The following LPCAT1 variants were observed in gnomAD, a reference collection of about 807,000 sequenced individuals.
LPCAT1 encodes the protein 1-acylglycerol-3-phosphate O-acyltransferase.
Under a neutral mutation model 60.9 loss-of-function variants are expected in LPCAT1, and 23 were observed. The ratio of observed to expected loss-of-function variants is 0.38; its 90% CI spans 0.27 to 0.53. The LOEUF (loss-of-function observed/expected upper bound fraction) is 0.53. LPCAT1 is among the 20% of genes least tolerant of loss of function. The pLI, the probability that LPCAT1 is intolerant of heterozygous loss-of-function variation, is 0.82. For missense variants in LPCAT1, 622 were observed against 723.6 expected (o/e 0.86, Z 1.61); for synonymous variants, 340 against 301.1 (o/e 1.13, Z -1.34).
chr5:1,492,105 GTCTCTGAGCTGGGACCAGGGGAGATTA>G (rs1456233468), intron 3 of LPCAT1, among the ~76,000 whole-genome samples: 15 of 151,060 alleles, frequency 9.9e-5, no homozygotes, highest in South Asian at 2.1e-4. Context: ...CCAGGGAGAT[GTCTCTGAGCTGGGACCAGGGGAGATTA>G]TCTCTGAGCT....
intron 13 of LPCAT1, among the ~76,000 whole-genome samples, chr5:1,464,705 CAA>C (rs1553991811): frequency 8.7e-5 from 12 of 137,228 alleles, no homozygotes; most frequent in African/African-American, 1.4e-4. Flanking sequence ...TGCACACACA[CAA>C]AGAGCACACA....
chr5:1,473,512 T>C (rs1197051057), intron 11 of LPCAT1, among the ~76,000 whole-genome samples: 3 of 151,814 alleles, frequency 2.0e-5, no homozygotes, highest in African/African-American at 7.3e-5. Context: ...CAGAGGGGAG[T>C]GGGCGGCTGC....
intron 13 of LPCAT1, among the ~76,000 whole-genome samples, chr5:1,465,067 A>G (rs964597088): frequency 2.6e-4 from 21 of 80,094 alleles, no homozygotes. Flanking sequence ...AAGTGCACGC[A>G]CACACACGGT....
Position 1,476,421 on chromosome 5 carries a change from G to C in LPCAT1, c.899+983C>G, listed in dbSNP as rs964494541. On this transcript the variant is annotated intron_variant, in intron 9 of 13. Coordinates refer to ENST00000283415, the MANE Select transcript of LPCAT1 (RefSeq NM_024830.5). This position sits in a 1 kb window ranked among gnomAD's most constrained non-coding sequence, Gnocchi z 8.6. ...ACGTGAGGGAACGGGCCGCCCAGCTGAATCTTCAGGGTGTCAGCGGAGTGT... is the reference window on the plus strand; with the variant it reads ...ACGTGAGGGAACGGGCCGCCCAGCTCAATCTTCAGGGTGTCAGCGGAGTGT... Among the ~76,000 whole-genome samples, 6 of 152,160 alleles carry C rather than the reference G, an allele frequency of 3.9e-5. No individual in the cohort carries two copies. Among genetic ancestry groups the C allele is most frequent in the African/African-American group, 1.4e-4 (6 of 41,448 alleles).
At chr5:1,468,346 C>G (rs529790776) in intron 12 of LPCAT1, among the ~76,000 whole-genome samples, 64 of 152,352 alleles carry the variant, frequency 4.2e-4, no homozygotes, top group African/African-American at 1.5e-3. Context: ...GTTGGTGCTG[C>G]TGGAGCCTCA....
intron 13 of LPCAT1, 54 bp downstream of exon 13, chr5:1,466,695 C>G: frequency 6.5e-7 from 1 of 1,544,478 alleles, no homozygotes; most frequent in Non-Finnish European, 8.8e-7. Flanking sequence ...GCCCCACACT[C>G]TGTCCAGCCC....
intron 1 of LPCAT1, among the ~76,000 whole-genome samples, chr5:1,520,967 T>C (rs937403428): frequency 8.6e-5 from 13 of 150,930 alleles, no homozygotes; most frequent in African/African-American, 1.2e-4. Flanking sequence ...CCAAGGAAAG[T>C]ACCGAGAAAA....
chr5:1,492,703 G>C (rs1735636207), intron 3 of LPCAT1, among the ~76,000 whole-genome samples: 1 of 152,210 alleles, frequency 6.6e-6, no homozygotes, highest in African/African-American at 2.4e-5. Flanking sequence ...GGTTGATCTG[G>C]AAGAGGTGGA....
At chr5:1,519,984 C>G (rs1736621964) in intron 1 of LPCAT1, among the ~76,000 whole-genome samples, 1 of 152,258 alleles carries the variant, frequency 6.6e-6, no homozygotes, top group African/African-American at 2.4e-5. Context: ...TCCACATCCA[C>G]TGCCCGGCAA....
chr5:1,470,226 T>C lies in LPCAT1; in HGVS notation c.1278+600A>G, dbSNP rs975748329. Among the ~76,000 whole-genome samples the C allele has an allele frequency of 2.6e-5, 4 of 152,368 alleles. No individual in the cohort carries two copies. The East Asian group carries it at 7.7e-4, about 29-fold the overall frequency. On this transcript the variant is annotated intron_variant, in intron 12 of 13. Transcript: ENST00000283415. ...CAGATGAAATCCACATTGGTGCTGC[T>C]GGAGCCTCAGAATAGGCCAGGCCAA... is the stretch of plus-strand genomic sequence containing the variant.
intron 7 of LPCAT1, 89 bp from the exon 8 acceptor site, chr5:1,479,764 G>T: frequency 1.9e-6 from 2 of 1,027,182 alleles, no homozygotes; most frequent in Non-Finnish European, 1.5e-6. Flanking sequence ...ACCTCCAGAC[G>T]CGCCCTCCAG....
At chr5:1,508,570 C>T (rs771992456) in intron 1 of LPCAT1, among the ~76,000 whole-genome samples, 13 of 152,070 alleles carry the variant, frequency 8.5e-5, no homozygotes, top group African/African-American at 2.4e-4. Flanking sequence ...TGCTGCGCCT[C>T]GGTCTCGGAC....
chr5:1,468,079 AG>A (rs1342910412), intron 12 of LPCAT1, among the ~76,000 whole-genome samples: 1 of 151,966 alleles, frequency 6.6e-6, no homozygotes, highest in Non-Finnish European at 1.5e-5. Context: ...TGCGGTGCTC[AG>A]GGAAGAAACG....
At chr5:1,518,044 G>A (rs982127371) in intron 1 of LPCAT1, among the ~76,000 whole-genome samples, 2 of 152,260 alleles carry the variant, frequency 1.3e-5, no homozygotes, top group African/African-American at 4.8e-5. Flanking sequence ...ATGCAGAAGT[G>A]AACCCGCAGG....
intron 2 of LPCAT1, among the ~76,000 whole-genome samples, chr5:1,497,430 G>A (rs183301466): frequency 1.3e-5 from 2 of 152,396 alleles, no homozygotes. Flanking sequence ...AGAGGCAAGA[G>A]GCAGAGTGGA....
intron 5 of LPCAT1, among the ~76,000 whole-genome samples, chr5:1,484,315 C>T (rs901956289): frequency 6.6e-6 from 1 of 152,242 alleles, no homozygotes; most frequent in Non-Finnish European, 1.5e-5. Flanking sequence ...TGTGCCCTTG[C>T]GGGCTGGAGC....
intron 12 of LPCAT1, among the ~76,000 whole-genome samples, chr5:1,470,061 G>C (rs1734604216): frequency 6.6e-6 from 1 of 152,270 alleles, no homozygotes; most frequent in Non-Finnish European, 1.5e-5. Context: ...AGAGAAGGGA[G>C]TTCTTGGAGC....
chr5:1,486,489 G>GC (rs553759955), intron 5 of LPCAT1, among the ~76,000 whole-genome samples: 30 of 152,306 alleles, frequency 2.0e-4, no homozygotes, highest in African/African-American at 7.2e-4. Flanking sequence ...GGTGACCCCA[G>GC]CAACGTGACC....
Position 1,483,517 on chromosome 5 carries a change from T to TGGCAGCCCAC in LPCAT1, c.668-41_668-32dup, listed in dbSNP as rs767866466. On this transcript the variant is annotated intron_variant, in intron 5 of 13. Coordinates refer to ENST00000283415, the MANE Select transcript of LPCAT1 (RefSeq NM_024830.5). This position sits in a 1 kb window ranked among gnomAD's most constrained non-coding sequence, Gnocchi z 9.2. ...GAGAAAGGAACAGCGGTGTTGCCCATGGCAGCCCACGCAGGACAGCGTCTG... is the reference window on the plus strand; with the variant it reads ...GAGAAAGGAACAGCGGTGTTGCCCATGGCAGCCCACGGCAGCCCACGCAGGACAGCGTCTG... 2.5e-6 allele frequency: 4 copies of TGGCAGCCCAC among 1,611,334 alleles called. No individual in the cohort carries two copies. In the South Asian group the frequency reaches 4.4e-5, roughly 18 times the overall value.
Sources: allele counts gnomAD v4.1 joint callset (sites outside exome capture counted in the v4.1 genomes callset), GRCh38; gene constraint gnomAD v4.1.1; non-coding constraint Gnocchi (gnomAD v3.1); transcripts MANE v1.5; gene names NCBI Gene and HGNC (gene_info 2026-07-23, HGNC 2026-07-21).